CRYL1: variants seen among roughly 807,000 people sequenced by gnomAD.
The protein encoded by CRYL1 is lambda-crystallin homolog.
In CRYL1, 29 loss-of-function variants were observed where a neutral mutation model predicts 36.6. That is an observed-to-expected ratio of 0.79 (90% CI 0.59 to 1.08). The LOEUF is 1.08. CRYL1 is among the 50% of genes least tolerant of loss of function. CRYL1 has a pLI of 0.00. For synonymous variants in CRYL1, 152 were observed against 151.5 expected (o/e 1.00, Z -0.02); for missense variants, 411 against 407.9 (o/e 1.01, Z -0.06).
intron 2 of CRYL1, among the ~76,000 whole-genome samples, chr13:20,508,863 A>AAAAAAAAAAAAAC (rs1241539913): frequency 7.2e-5 from 4 of 55,386 alleles, no homozygotes; most frequent in African/African-American, 2.9e-4. Flanking sequence ...AAAAAAAAAA[A>AAAAAAAAAAAAAC]AAAAAAAAAA....
At chr13:20,483,393 G>A (rs1374678782) in intron 3 of CRYL1, among the ~76,000 whole-genome samples, 2 of 152,028 alleles carry the variant, frequency 1.3e-5, no homozygotes, top group Non-Finnish European at 2.9e-5. Context: ...GCAGTGGTGC[G>A]ATCTCGGCTC....
intron 6 of CRYL1, among the ~76,000 whole-genome samples, chr13:20,410,894 G>A (rs116738727): frequency 0.012 from 1,881 of 152,312 alleles, 32 homozygotes; most frequent in African/African-American, 0.042. Flanking sequence ...GAGCCGGCCG[G>A]CTGGCTCCAC....
rs531877200 is a variant in CRYL1 at position 20,489,598 on chromosome 13, C to T, written c.150-102G>A. Reference sequence around the variant, plus strand: ...TCATCAGGGAAATGCCAAGCAGAACCACAGTGAGATACCACCTCACACCCA... The same window carrying T: ...TCATCAGGGAAATGCCAAGCAGAACTACAGTGAGATACCACCTCACACCCA... On this transcript the variant is annotated intron_variant, in intron 2 of 7. Transcript: ENST00000298248. The T allele has an allele frequency of 2.7e-5, 38 of 1,416,194 alleles. No homozygotes were observed. The African/African-American group carries it at 4.6e-4, about 17-fold the overall frequency. The allele number at this position is 1,416,194 out of a possible 1,614,324, so 87.7% of individuals were successfully genotyped here. A position where few individuals can be genotyped will look rare whatever the true frequency, so the allele number is the denominator to read the frequency against.
intron 4 of CRYL1, among the ~76,000 whole-genome samples, chr13:20,438,647 C>CCT (rs1366690542): frequency 1.3e-5 from 2 of 152,152 alleles, no homozygotes; most frequent in Non-Finnish European, 2.9e-5. Context: ...AGCCTCAGAC[C>CCT]CTCTCTTCCC....
rs540898659 is a variant in CRYL1 at position 20,430,641 on chromosome 13, G to A, written c.633+1461C>T. On this transcript the variant is annotated intron_variant, in intron 5 of 7. Coordinates refer to ENST00000298248, the MANE Select transcript of CRYL1 (RefSeq NM_015974.3). ...AGTTCTTTGTGTACACCTCCCACCC[G>A]ATCCCCTTACACCAGAATCCCAAAC... The A allele has an allele frequency of 4.9e-5, 48 of 985,136 alleles. No individual in the cohort carries two copies. In the African/African-American group the frequency reaches 6.8e-4, roughly 14 times the overall value. 61.0% of individuals were successfully genotyped at this position (985,136 alleles called of 1,614,324 possible).
intron 1 of CRYL1, among the ~76,000 whole-genome samples, chr13:20,524,797 AT>A (rs1462399395): frequency 2.6e-5 from 4 of 152,044 alleles, no homozygotes; most frequent in African/African-American, 9.7e-5. Context: ...AAGGAATCTG[AT>A]GCCTTCCTTC....
chr13:20,436,205 C>A (rs1325027817), intron 4 of CRYL1, among the ~76,000 whole-genome samples: 1 of 152,212 alleles, frequency 6.6e-6, no homozygotes, highest in South Asian at 2.1e-4. Flanking sequence ...CCGCGGCCCC[C>A]TTCCCAAGCA....
chr13:20,406,237 C>T (rs1412389448), intron 6 of CRYL1: 1 of 152,118 alleles, frequency 6.6e-6, no homozygotes, highest in Non-Finnish European at 1.5e-5. Context: ...AAAATACGAA[C>T]CATCGGTACT....
At position 20,525,645 on chromosome 13, in the gene CRYL1, G is replaced by T; in HGVS notation, c.41+109C>A. The T allele has an allele frequency of 1.1e-6, 1 of 917,274 alleles. No individual in the cohort carries two copies. The highest frequency in any genetic ancestry group is 1.4e-6 in the Non-Finnish European group (1 of 697,092). 56.8% of individuals were successfully genotyped at this position (917,274 alleles called of 1,614,324 possible). ...CAGGGCTTCGGAGGACCGGAGGCCG[G>T]GGCGGGGACAGCGACCCGGCGCCCA... On this transcript the variant is annotated intron_variant, in intron 1 of 7. Coordinates refer to ENST00000298248, the MANE Select transcript of CRYL1 (RefSeq NM_015974.3). The surrounding 1 kb of genome is among the most constrained non-coding windows in gnomAD (Gnocchi z 4.3).
At chr13:20,442,993 G>A (rs2032379745) in intron 3 of CRYL1, among the ~76,000 whole-genome samples, 1 of 152,234 alleles carries the variant, frequency 6.6e-6, no homozygotes, top group Admixed American at 6.5e-5. Flanking sequence ...ATCAGCAGCT[G>A]ACAGGTGAGG....
At chr13:20,448,868 A>C (rs956060659) in intron 3 of CRYL1, among the ~76,000 whole-genome samples, 1 of 152,232 alleles carries the variant, frequency 6.6e-6, no homozygotes, top group East Asian at 1.9e-4. Context: ...TTGGATCTAC[A>C]CAAAGAAATA....
intron 5 of CRYL1, 27 bp downstream of exon 5, chr13:20,432,075 G>A: frequency 6.2e-6 from 10 of 1,613,982 alleles, no homozygotes; most frequent in Non-Finnish European, 8.5e-6. Flanking sequence ...AGGAAGGGAG[G>A]GAGGGAGAGA....
At chr13:20,505,359 C>CAAAATAAAAAA (rs2033775254) in intron 2 of CRYL1, among the ~76,000 whole-genome samples, 1 of 91,222 alleles carries the variant, frequency 1.1e-5, no homozygotes, top group Non-Finnish European at 2.3e-5. Context: ...TCTATCCCAC[C>CAAAATAAAAAA]AAAAAAAAAA....
chr13:20,465,844 T>C (rs1473629506), intron 3 of CRYL1, among the ~76,000 whole-genome samples: 1 of 150,634 alleles, frequency 6.6e-6, no homozygotes, highest in East Asian at 2.0e-4. Flanking sequence ...CAGAGGGAGG[T>C]GTTTGGGTCA....
At chr13:20,434,381 A>G (rs1025718917) in intron 4 of CRYL1, among the ~76,000 whole-genome samples, 26 of 152,160 alleles carry the variant, frequency 1.7e-4, no homozygotes, top group African/African-American at 5.8e-4. Context: ...AAAACACATC[A>G]ATCGGGGCTC....
At chr13:20,474,801 C>T (rs542955685) in intron 3 of CRYL1, among the ~76,000 whole-genome samples, 7 of 152,250 alleles carry the variant, frequency 4.6e-5, no homozygotes, top group Non-Finnish European at 8.8e-5. Context: ...GAAACCGTCA[C>T]CTGCCTGGAC....
chr13:20,459,018 A>G (rs181075335), intron 3 of CRYL1, among the ~76,000 whole-genome samples: 1,573 of 152,146 alleles, frequency 0.01, 18 homozygotes, highest in African/African-American at 0.034. Context: ...GGCGGATCAC[A>G]AGGTCAGGAG....
rs4769112 is a variant in CRYL1, at chr13:20,469,743, A to C, written c.276+19627T>G. Among the ~76,000 whole-genome samples the C allele has an allele frequency of 7.9e-5, 12 of 152,246 alleles. No homozygotes were observed. The South Asian group carries it at 1.9e-3, about 24-fold the overall frequency. On this transcript the variant is annotated intron_variant, in intron 3 of 7. Transcript: ENST00000298248. ...TATGGCTTGCTTAGGAGAAGGAGGA[A>C]CCCAAAGCCCCAGGAAACCTGTCAA... is the stretch of plus-strand genomic sequence containing the variant.
chr13:20,486,456 C>G (rs183064592), intron 3 of CRYL1, among the ~76,000 whole-genome samples: 1 of 151,768 alleles, frequency 6.6e-6, no homozygotes, highest in Non-Finnish European at 1.5e-5. Flanking sequence ...CCCACACAAT[C>G]CTCCCACCCC....
Sources: gnomAD v4.1 joint callset for allele counts (sites outside exome capture counted in the v4.1 genomes callset) on GRCh38, gnomAD v4.1.1 for gene constraint, Gnocchi (gnomAD v3.1) non-coding constraint, MANE v1.5 for transcripts, NCBI Gene and HGNC (gene_info 2026-07-23, HGNC 2026-07-21) for gene names.